Variants in RBMS3 observed in about 807,000 individuals in gnomAD.
The protein encoded by RBMS3 is RNA-binding motif, single-stranded-interacting protein 3.
A neutral mutation model predicts 66.8 loss-of-function variants in RBMS3; 27 were observed. That is an observed-to-expected ratio of 0.40 (90% CI 0.30 to 0.56). RBMS3 has a LOEUF of 0.56. Ranked by LOEUF, RBMS3 falls within the 20% of genes least tolerant of loss-of-function variation. The pLI is 0.40. For missense variants in RBMS3, 513 were observed against 549.5 expected, an observed-to-expected ratio of 0.93 and a Z score of 0.66; for synonymous variants, 188 against 183.0, an observed-to-expected ratio of 1.03 and a Z score of -0.22.
chr3:29,429,291 T>G (rs1474755462), intron 1 of RBMS3, among the ~76,000 whole-genome samples: 1 of 152,212 alleles, frequency 6.6e-6, no homozygotes, highest in East Asian at 1.9e-4. Context: ...CTATAATTAT[T>G]AGGATTACTA....
rs544105508 is a variant in RBMS3 at position 29,887,835 on chromosome 3, A to T, written c.791+3627A>T. On this transcript the variant is annotated intron_variant, in intron 8 of 14. Coordinates refer to ENST00000383767, the MANE Select transcript of RBMS3 (RefSeq NM_001003793.3). ...TTTAATCAGTCATTCTCTAATGCGC[A>T]ATTTAAAATTCTACAAAGACATAAT... is the stretch of plus-strand genomic sequence containing the variant. Among the ~76,000 whole-genome samples the T allele has an allele frequency of 5.3e-5, 8 of 151,928 alleles. No homozygotes were observed. In the South Asian group the frequency reaches 1.7e-3, roughly 32 times the overall value.
intron 3 of RBMS3, among the ~76,000 whole-genome samples, chr3:29,526,728 A>G (rs1332728439): frequency 6.6e-6 from 1 of 151,826 alleles, no homozygotes; most frequent in Non-Finnish European, 1.5e-5. Context: ...CTTAGTCTTT[A>G]TTTCATCTCT....
chr3:29,431,821 G>T (rs2041218289), intron 1 of RBMS3, among the ~76,000 whole-genome samples: 1 of 152,154 alleles, frequency 6.6e-6, no homozygotes, highest in Non-Finnish European at 1.5e-5. Flanking sequence ...AGCCTCTAGG[G>T]TTCAAGTGAA....
intron 2 of RBMS3, among the ~76,000 whole-genome samples, chr3:29,447,159 C>A (rs2041862634): frequency 6.6e-6 from 1 of 151,974 alleles, no homozygotes; most frequent in Non-Finnish European, 1.5e-5. Context: ...GTAATCTGCC[C>A]ACCTCAGCCC....
Position 29,592,924 on chromosome 3 carries a change from C to T in RBMS3, c.399+5719C>T, listed in dbSNP as rs551292773. Among the ~76,000 whole-genome samples, 1,194 of 148,998 alleles carry T rather than the reference C, an allele frequency of 8.0e-3. 17 individuals are homozygous for T. The highest frequency in any genetic ancestry group is 0.028 in the African/African-American group (1,143 of 40,384). On this transcript the variant is annotated intron_variant, in intron 4 of 14. Coordinates refer to ENST00000383767, the MANE Select transcript of RBMS3 (RefSeq NM_001003793.3). ...ATCGCAAGGACAAAAAACCAAACAC[C>T]GCATGTTCTCACTCATAGGTGGGAA...
chr3:29,586,682 C>A (rs187583470), intron 3 of RBMS3, among the ~76,000 whole-genome samples: 15 of 152,158 alleles, frequency 9.9e-5, no homozygotes, highest in Admixed American at 6.6e-4. Context: ...TTGCTGATAA[C>A]CTTTTGCGAG....
At chr3:29,499,483 A>C (rs2043883862) in intron 3 of RBMS3, among the ~76,000 whole-genome samples, 1 of 152,232 alleles carries the variant, frequency 6.6e-6, no homozygotes, top group Non-Finnish European at 1.5e-5. Context: ...AAGTGAGCTC[A>C]GATGCCTGCT....
chr3:29,731,034 G>T, intron 4 of RBMS3: 2 of 985,218 alleles, frequency 2.0e-6, no homozygotes, highest in South Asian at 9.4e-5. Flanking sequence ...AGTCATAAAG[G>T]CTGGAGATCC....
chr3:29,955,885 A>G (rs1012332329), intron 12 of RBMS3, among the ~76,000 whole-genome samples: 1 of 151,994 alleles, frequency 6.6e-6, no homozygotes, highest in Non-Finnish European at 1.5e-5. Context: ...TGCTCACTTC[A>G]TCTTACTCTC....
chr3:29,544,363 G>A (rs2149017988), intron 3 of RBMS3, among the ~76,000 whole-genome samples: 1 of 147,702 alleles, frequency 6.8e-6, no homozygotes, highest in South Asian at 2.2e-4. Flanking sequence ...AAATCAAGTT[G>A]CCTTCTTGAG....
At chr3:29,559,553 A>AC (rs2046477599) in intron 3 of RBMS3, among the ~76,000 whole-genome samples, 1 of 139,008 alleles carries the variant, frequency 7.2e-6, no homozygotes, top group Non-Finnish European at 1.5e-5. Flanking sequence ...AAAAAAAAAA[A>AC]CCTGACTATT....
In RBMS3 at chr3:29,654,186, A is replaced by C. The variant is rs764145684; in HGVS notation, c.399+66981A>C. Among the ~76,000 whole-genome samples the C allele has an allele frequency of 9.2e-5, 14 of 152,166 alleles. 1 individual carries two copies. Among genetic ancestry groups the C allele is most frequent in the Non-Finnish European group, 1.9e-4 (13 of 68,030 alleles). On this transcript the variant is annotated intron_variant, in intron 4 of 14. Transcript: ENST00000383767. ...AAAGATAGGGAAAATTGGCAGAAAC[A>C]CTCTGCATGTAATTCCTATTTAGAC...
chr3:29,926,441 G>A (rs1238520827), intron 10 of RBMS3, among the ~76,000 whole-genome samples: 2 of 152,180 alleles, frequency 1.3e-5, no homozygotes, highest in East Asian at 3.9e-4. Flanking sequence ...GAGGTGCCTT[G>A]TGACATATTT....
At chr3:29,298,907 C>A (rs2033474995) in intron 1 of RBMS3, among the ~76,000 whole-genome samples, 2 of 151,842 alleles carry the variant, frequency 1.3e-5, no homozygotes, top group Admixed American at 1.3e-4. Flanking sequence ...GGAGCTCTCC[C>A]TATTGCCACC....
At chr3:29,724,532 A>G (rs558689987) in intron 4 of RBMS3, among the ~76,000 whole-genome samples, 2 of 152,286 alleles carry the variant, frequency 1.3e-5, no homozygotes, top group South Asian at 2.1e-4. Flanking sequence ...ATGTCATTAC[A>G]TGTTCACAGC....
At chr3:29,960,420 G>A (rs1180989568) in intron 12 of RBMS3, among the ~76,000 whole-genome samples, 1 of 152,182 alleles carries the variant, frequency 6.6e-6, no homozygotes, top group Non-Finnish European at 1.5e-5. Flanking sequence ...CTGGAATTGA[G>A]TGCCTGTGGC....
chr3:29,613,432 A>C (rs1044036345), intron 4 of RBMS3, among the ~76,000 whole-genome samples: 2 of 152,122 alleles, frequency 1.3e-5, no homozygotes, highest in African/African-American at 4.8e-5. Flanking sequence ...TGGGTCACAC[A>C]ATTTTCCTAT....
chr3:29,693,667 C>T (rs1175789845), intron 4 of RBMS3, among the ~76,000 whole-genome samples: 2 of 152,056 alleles, frequency 1.3e-5, no homozygotes, highest in African/African-American at 4.8e-5. Context: ...TTTATTCATA[C>T]AGTCATTCTT....
In RBMS3 at chr3:29,846,120, A is replaced by G. The variant is rs13081723; in HGVS notation, c.638-22738A>G. ...ATGTGGAACTATTCAAGGTTTTCAA[A>G]CAGGAAAGGGATGTGATCTGATTTT... On this transcript the variant is annotated intron_variant, in intron 6 of 14. Transcript: ENST00000383767. Among the ~76,000 whole-genome samples the G allele has an allele frequency of 7.9e-5, 12 of 152,116 alleles. No individual in the cohort carries two copies. The East Asian group carries it at 2.3e-3, about 29-fold the overall frequency.
Sources: allele counts gnomAD v4.1 joint callset (sites outside exome capture counted in the v4.1 genomes callset), GRCh38; gene constraint gnomAD v4.1.1; transcripts MANE v1.5; gene names NCBI Gene and HGNC (gene_info 2026-07-23, HGNC 2026-07-21).